RORC: variants seen among roughly 807,000 people sequenced by gnomAD.
RORC encodes nuclear receptor ROR-gamma.
RORC carries 13 observed loss-of-function variants against 64.5 expected under a neutral mutation model. The ratio of observed to expected loss-of-function variants is 0.20; its 90% CI spans 0.13 to 0.32. The LOEUF (loss-of-function observed/expected upper bound fraction) is 0.32, where lower values mean the gene tolerates loss of function less well. Ranked by LOEUF, RORC falls within the 10% of genes least tolerant of loss-of-function variation. The pLI, the probability that RORC is intolerant of heterozygous loss-of-function variation, is 1.00. For missense variants in RORC, 468 were observed against 669.5 expected, an observed-to-expected ratio of 0.70 and a Z score of 3.32; for synonymous variants, 277 against 259.3, an observed-to-expected ratio of 1.07 and a Z score of -0.65.
At chr1:151,809,765 C>G (rs1292666256) in intron 10 of RORC, among the ~76,000 whole-genome samples, 1 of 152,214 alleles carries the variant, frequency 6.6e-6, no homozygotes, top group Non-Finnish European at 1.5e-5. Context: ...ATTGCTGTAT[C>G]CTTAACACCC....
rs1274447330 is a variant in RORC, at chr1:151,816,729, G to A, written c.233C>T (p.Thr78Ile). The A allele has an allele frequency of 6.2e-7, 1 of 1,602,026 alleles. No individual in the cohort carries two copies. The stretch of plus-strand genomic sequence containing the variant: ...GCAGTGCTGGCATCGGTTTCGGCTG[G>A]TGCGGTCGATGGGGCAGTTCTGCTG... ...TRQQNCPIDR[T>I]SRNRCQHCRL... The change falls in exon 4 of 11, where the codon ACC becomes ATC. Residue 78 changes from threonine (T) to isoleucine (I), a missense_variant. Coordinates refer to ENST00000318247, the MANE Select transcript of RORC (RefSeq NM_005060.4).
intron 2 of RORC, among the ~76,000 whole-genome samples, chr1:151,817,580 C>T (rs954368119): frequency 6.6e-6 from 1 of 152,028 alleles, no homozygotes; most frequent in African/African-American, 2.4e-5. Context: ...CTCAGCCCTT[C>T]GAGTTGAAAA....
Position 151,816,737 on chromosome 1 carries a change from G to A in RORC, c.225C>T (p.Ile75=), listed in dbSNP as rs1342121369. ...GGCATCGGTTTCGGCTGGTGCGGTC[G>A]ATGGGGCAGTTCTGCTGACGGGTGC... ...YSCTRQQNCP[I]DRTSRNRCQH... The change falls in exon 4 of 11, where the codon ATC becomes ATT. Residue 75 remains isoleucine, a synonymous_variant. Coordinates refer to ENST00000318247, the MANE Select transcript of RORC (RefSeq NM_005060.4). 9 of 1,598,894 alleles carry A rather than the reference G, an allele frequency of 5.6e-6. No homozygotes were observed. In the South Asian group the frequency reaches 6.8e-5, roughly 12 times the overall value.
intron 10 of RORC, among the ~76,000 whole-genome samples, chr1:151,810,074 T>G (rs1236407969): frequency 2.6e-5 from 4 of 152,162 alleles, no homozygotes; most frequent in Non-Finnish European, 4.4e-5. Flanking sequence ...ATTCTCCACA[T>G]ACACACTATT....
At chr1:151,825,378 C>G (rs565880287) in intron 2 of RORC, among the ~76,000 whole-genome samples, 1 of 152,174 alleles carries the variant, frequency 6.6e-6, no homozygotes, top group African/African-American at 2.4e-5. Context: ...GGGCAGAAAG[C>G]CTGGTGGCTT....
At chr1:151,829,354 C>A (rs904715757) in intron 2 of RORC, 75 bp downstream of exon 2, 13 of 1,408,090 alleles carry the variant, frequency 9.2e-6, no homozygotes, top group South Asian at 1.3e-5. Flanking sequence ...CTCAGTCCCC[C>A]CACAGATCAC....
At position 151,810,683 on chromosome 1, in the gene RORC, C is replaced by T. The variant is rs184666630; in HGVS notation, c.1395+642G>A. 8.7e-4 allele frequency among the ~76,000 whole-genome samples: 133 copies of T among 152,270 alleles called. 2 individuals carry two copies. The East Asian group carries it at 0.015, about 17-fold the overall frequency. On this transcript the variant is annotated intron_variant, in intron 10 of 10. Coordinates refer to ENST00000318247, the MANE Select transcript of RORC (RefSeq NM_005060.4). ...AGTAGCTGGGTCTACAGGCGCCTGC[C>T]ACCATGCCTGGCTAATTTTTTTTAT...
In RORC at chr1:151,815,395, T is replaced by C; in HGVS notation, c.329A>G (p.Gln110Arg). 6.5e-7 allele frequency: 1 copy of C among 1,539,020 alleles called. No homozygotes were observed. Among genetic ancestry groups the C allele is most frequent in the Non-Finnish European group, 8.7e-7 (1 of 1,143,340 alleles). ...AVKFGRMSKK[Q>R]RDSLHAEVQK... ...CACTTCTGCATGCAGGCTGTCCCTC[T>C]GCTTCTTGGACATGCGGCCGAACTT... Residue 110 changes from glutamine (Q) to arginine (R), a missense_variant, in exon 5 of 11, where the codon CAG becomes CGG. Coordinates refer to ENST00000318247, the MANE Select transcript of RORC (RefSeq NM_005060.4).
intron 1 of RORC, 110 bp downstream of exon 1, chr1:151,831,615 C>G: frequency 2.5e-6 from 4 of 1,600,710 alleles, no homozygotes; most frequent in Non-Finnish European, 3.4e-6. Flanking sequence ...CCTCTGCACT[C>G]TTGTCCCTCC....
intron 9 of RORC, 127 bp downstream of exon 9, chr1:151,812,820 T>C: frequency 4.8e-6 from 3 of 627,614 alleles, no homozygotes; most frequent in Middle Eastern, 2.6e-4. Flanking sequence ...CAATACTGAG[T>C]AGGGCTCATT....
At chr1:151,828,965 T>C (rs909807437) in intron 2 of RORC, among the ~76,000 whole-genome samples, 3 of 131,416 alleles carry the variant, frequency 2.3e-5, no homozygotes, top group Non-Finnish European at 3.3e-5. Context: ...GGCGACAGTG[T>C]GAGACTCTGT....
chr1:151,807,554 A>T lies in RORC; in HGVS notation c.1475T>A (p.Ile492Asn), dbSNP rs199662679. ...RLQIFQHLHP[I>N]VVQAAFPPLY... The stretch of plus-strand genomic sequence containing the variant: ...TGGAGGGAAAGCGGCTTGGACCACG[A>T]TGGGGTGGAGGTGCTGGAAGATCTG... Residue 492 changes from isoleucine to asparagine, a missense_variant, in exon 11 of 11, where the codon ATC (isoleucine) becomes AAC (asparagine). By Grantham distance (149) the Ile-to-Asn change is moderately radical. Coordinates refer to ENST00000318247, the MANE Select transcript of RORC (RefSeq NM_005060.4). The surrounding 1 kb of genome is among the most constrained non-coding windows in gnomAD (Gnocchi z 5.0). 14 of 1,613,660 alleles carry T rather than the reference A, an allele frequency of 8.7e-6. No homozygotes were observed. Among genetic ancestry groups the T allele is most frequent in the Non-Finnish European group, 1.2e-5 (14 of 1,179,864 alleles).
At position 151,811,400 on chromosome 1, in the gene RORC, T is replaced by C. The variant is rs1373031148; in HGVS notation, c.1320A>G (p.Glu440=). 2 of 1,613,978 alleles carry C rather than the reference T, an allele frequency of 1.2e-6. No individual in the cohort carries two copies. The highest frequency in any genetic ancestry group is 2.2e-5 in the East Asian group (1 of 44,886). ...RPGLQEKRKV[E]QLQYNLELAF... is the part of the protein sequence containing the mutation. ...CCAGCTCCAGATTGTACTGCAGCTG[T>C]TCTACTTTCCTTTTCTCTTGGAGCC... The change falls in exon 10 of 11, where the codon GAA becomes GAG. Residue 440 remains glutamate (E), a synonymous_variant. Coordinates refer to ENST00000318247, the MANE Select transcript of RORC (RefSeq NM_005060.4).
At chr1:151,831,118 A>G (rs1234307737) in intron 1 of RORC, 17 of 1,286,028 alleles carry the variant, frequency 1.3e-5, no homozygotes, top group Non-Finnish European at 1.6e-5. Context: ...CTGATGGCCC[A>G]GTGCCCCACA....
At chr1:151,812,873 G>A in intron 9 of RORC, 74 bp downstream of exon 9, 1 of 940,492 alleles carries the variant, frequency 1.1e-6, no homozygotes, top group South Asian at 1.4e-5. Flanking sequence ...ACATCTGAAG[G>A]TCTAGACTCT....
intron 2 of RORC, among the ~76,000 whole-genome samples, chr1:151,817,500 T>G (rs1348597553): frequency 2.0e-5 from 3 of 151,264 alleles, no homozygotes; most frequent in Admixed American, 6.6e-5. Flanking sequence ...AGGAGGGGAG[T>G]GTGGAGGGGT....
chr1:151,824,495 C>A (rs897760940), intron 2 of RORC, among the ~76,000 whole-genome samples: 4 of 152,218 alleles, frequency 2.6e-5, no homozygotes, highest in Admixed American at 6.5e-5. Flanking sequence ...AGAAGGGAAA[C>A]GGAAGCTCCA....
chr1:151,828,962 G>A (rs1434850650), intron 2 of RORC, among the ~76,000 whole-genome samples: 4 of 141,586 alleles, frequency 2.8e-5, no homozygotes, highest in Non-Finnish European at 3.1e-5. Flanking sequence ...CCAGGCGACA[G>A]TGTGAGACTC....
intron 4 of RORC, among the ~76,000 whole-genome samples, chr1:151,815,640 T>A (rs1355080582): frequency 1.3e-5 from 2 of 152,222 alleles, no homozygotes; most frequent in East Asian, 3.8e-4. Context: ...GCCATTTCAA[T>A]CTGCTAAGCA....
Sources: gnomAD v4.1 joint callset for allele counts (sites outside exome capture counted in the v4.1 genomes callset) on GRCh38, gnomAD v4.1.1 for gene constraint, Gnocchi (gnomAD v3.1) non-coding constraint, MANE v1.5 for transcripts, NCBI Gene and HGNC (gene_info 2026-07-23, HGNC 2026-07-21) for gene names.